ALCAM: variants seen among roughly 807,000 people sequenced by gnomAD.
ALCAM encodes the protein CD166 antigen.
In ALCAM, 30 loss-of-function variants were observed where a neutral mutation model predicts 70.9. The observed-to-expected ratio is 0.42, with a 90% CI of 0.32 to 0.57. The LOEUF (loss-of-function observed/expected upper bound fraction) is 0.57. Ranked by LOEUF, ALCAM falls within the 20% of genes least tolerant of loss-of-function variation. The pLI is 0.11. For missense variants in ALCAM, 591 were observed against 695.1 expected, an observed-to-expected ratio of 0.85 and a Z score of 1.68; for synonymous variants, 249 against 242.5, an observed-to-expected ratio of 1.03 and a Z score of -0.25.
intron 1 of ALCAM, among the ~76,000 whole-genome samples, chr3:105,449,215 T>C (rs1937365964): frequency 1.3e-5 from 2 of 152,348 alleles, no homozygotes; most frequent in South Asian, 4.1e-4. Context: ...AGTATCTTAC[T>C]GATTTATCTT....
chr3:105,406,319 T>C (rs1191636917), intron 1 of ALCAM, among the ~76,000 whole-genome samples: 1 of 152,164 alleles, frequency 6.6e-6, no homozygotes, highest in African/African-American at 2.4e-5. Context: ...ACTTTAGTCC[T>C]AAATGGGTCC....
In ALCAM at chr3:105,547,475, G is replaced by A. The variant is rs1181240700; in HGVS notation, c.1326G>A (p.Lys442=). The A allele has an allele frequency of 5.0e-6, 8 of 1,610,602 alleles. No individual in the cohort carries two copies. Among genetic ancestry groups the A allele is most frequent in the Non-Finnish European group, 6.8e-6 (8 of 1,177,704 alleles). The change falls in exon 11 of 16, where the codon AAG becomes AAA. Residue 442 remains lysine (K), a synonymous_variant. Transcript: ENST00000306107. ...TIICHVEGFP[K]PAIQWTITGS... ...TCTGCCATGTGGAAGGTTTTCCAAAGCCAGCCATTCAATGGACAATTACTG... is the reference window on the plus strand; with the variant it reads ...TCTGCCATGTGGAAGGTTTTCCAAAACCAGCCATTCAATGGACAATTACTG...
intron 1 of ALCAM, among the ~76,000 whole-genome samples, chr3:105,447,233 C>T (rs958488022): frequency 1.3e-5 from 2 of 151,682 alleles, no homozygotes; most frequent in South Asian, 2.1e-4. Flanking sequence ...ATATGTTACT[C>T]CTTTAAACTT....
chr3:105,416,858 C>G (rs764968523), intron 1 of ALCAM, among the ~76,000 whole-genome samples: 3 of 151,968 alleles, frequency 2.0e-5, no homozygotes, highest in Non-Finnish European at 4.4e-5. Context: ...CCCTACATTT[C>G]CCTTGCATAC....
At chr3:105,383,274 T>A (rs1007372893) in intron 1 of ALCAM, among the ~76,000 whole-genome samples, 8 of 151,776 alleles carry the variant, frequency 5.3e-5, no homozygotes, top group Non-Finnish European at 1.0e-4. Flanking sequence ...ATTTTTATAT[T>A]CCTGGAGGCA....
At chr3:105,547,086 C>A in intron 9 of ALCAM, 63 bp from the exon 10 acceptor site, 2 of 1,337,650 alleles carry the variant, frequency 1.5e-6, no homozygotes, top group Non-Finnish European at 2.0e-6. Flanking sequence ...TAATTATTAT[C>A]TAATAAATAC....
At chr3:105,399,377 G>T (rs567770852) in intron 1 of ALCAM, among the ~76,000 whole-genome samples, 1 of 151,888 alleles carries the variant, frequency 6.6e-6, no homozygotes, top group South Asian at 2.1e-4. Context: ...TTTAAACTTT[G>T]TAAGTTTGAA....
At chr3:105,476,828 CTG>C (rs1938126661) in intron 1 of ALCAM, among the ~76,000 whole-genome samples, 1 of 152,032 alleles carries the variant, frequency 6.6e-6, no homozygotes, top group Admixed American at 6.6e-5. Flanking sequence ...TATGGTTTGG[CTG>C]TGTCCCCACC....
intron 1 of ALCAM, among the ~76,000 whole-genome samples, chr3:105,496,431 A>T (rs1035021730): frequency 3.9e-5 from 6 of 152,194 alleles, no homozygotes; most frequent in Non-Finnish European, 5.9e-5. Flanking sequence ...AAAGAGAAAA[A>T]TGGGATAAGG....
intron 1 of ALCAM, among the ~76,000 whole-genome samples, chr3:105,474,959 AT>A (rs1238923528): frequency 6.6e-6 from 1 of 151,844 alleles, no homozygotes; most frequent in Non-Finnish European, 1.5e-5. Context: ...AACAAAAAAA[AT>A]CATCCTGTAG....
At chr3:105,435,698 C>T (rs1937033742) in intron 1 of ALCAM, among the ~76,000 whole-genome samples, 1 of 152,232 alleles carries the variant, frequency 6.6e-6, no homozygotes, top group African/African-American at 2.4e-5. Flanking sequence ...AAATGCACAT[C>T]TTACCATTGC....
Position 105,450,744 on chromosome 3 carries a change from G to A in ALCAM, c.74-69323G>A, listed in dbSNP as rs553617412. Among the ~76,000 whole-genome samples the A allele has an allele frequency of 9.9e-5, 15 of 152,204 alleles. No individual in the cohort carries two copies. In the East Asian group the frequency reaches 2.3e-3, roughly 23 times the overall value. On this transcript the variant is annotated intron_variant, in intron 1 of 15. Transcript: ENST00000306107. ...ATTTTGGTAAATTTGTAGAGAAAACGAAGAAAACATATAATTCACTAAATA... is the reference window on the plus strand; with the variant it reads ...ATTTTGGTAAATTTGTAGAGAAAACAAAGAAAACATATAATTCACTAAATA...
At chr3:105,408,610 T>A (rs1249334053) in intron 1 of ALCAM, among the ~76,000 whole-genome samples, 3 of 152,042 alleles carry the variant, frequency 2.0e-5, no homozygotes, top group Non-Finnish European at 4.4e-5. Context: ...CAAGGTAACA[T>A]AAGAAAAACC....
intron 1 of ALCAM, among the ~76,000 whole-genome samples, chr3:105,369,566 G>A (rs2107313870): frequency 6.6e-6 from 1 of 152,354 alleles, no homozygotes; most frequent in East Asian, 1.9e-4. Context: ...TGTCTACACT[G>A]AGGAAGCAAG....
At chr3:105,429,194 T>C (rs1276084181) in intron 1 of ALCAM, among the ~76,000 whole-genome samples, 4 of 152,000 alleles carry the variant, frequency 2.6e-5, no homozygotes, top group African/African-American at 7.2e-5. Context: ...ATCCTTCTTT[T>C]GGTTGCCACA....
intron 3 of ALCAM, among the ~76,000 whole-genome samples, chr3:105,528,270 G>A (rs2152625679): frequency 6.6e-6 from 1 of 152,246 alleles, no homozygotes; most frequent in South Asian, 2.1e-4. Flanking sequence ...ATACATTTTA[G>A]TAGGTTGCTG....
intron 8 of ALCAM, among the ~76,000 whole-genome samples, chr3:105,543,576 C>T (rs982971558): frequency 1.3e-5 from 2 of 151,654 alleles, no homozygotes; most frequent in Admixed American, 1.3e-4. Context: ...AAGCGCCAAC[C>T]CATTCTTGCA....
intron 14 of ALCAM, among the ~76,000 whole-genome samples, chr3:105,562,620 G>A (rs1940649755): frequency 6.6e-6 from 1 of 151,974 alleles, no homozygotes; most frequent in Non-Finnish European, 1.5e-5. Context: ...TTCCCATCAA[G>A]TTTTGGTACT....
Position 105,367,347 on chromosome 3 carries a change from G to A in ALCAM, c.-62G>A. ...CCAGCGCGCGGGCACCGCGGGGCCC[G>A]GGACGACGCCCCCTCCTGCGGCGTG... On this transcript the variant is annotated 5_prime_UTR_variant, in exon 1 of 16. Transcript: ENST00000306107. 7 of 1,577,296 alleles carry A rather than the reference G, an allele frequency of 4.4e-6. No individual in the cohort carries two copies. The highest frequency in any genetic ancestry group is 1.7e-5 in the Admixed American group (1 of 57,294).
Sources: gnomAD v4.1 joint callset for allele counts (sites outside exome capture counted in the v4.1 genomes callset) on GRCh38, gnomAD v4.1.1 for gene constraint, MANE v1.5 for transcripts, NCBI Gene and HGNC (gene_info 2026-07-23, HGNC 2026-07-21) for gene names.